PALLD: variants seen among roughly 807,000 people sequenced by gnomAD.
PALLD encodes palladin.
A neutral mutation model predicts 123.5 loss-of-function variants in PALLD; 61 were observed. That is an observed-to-expected ratio of 0.49 (90% CI 0.40 to 0.61). The LOEUF (loss-of-function observed/expected upper bound fraction) is 0.61. Ranked by LOEUF, PALLD falls within the 20% of genes least tolerant of loss-of-function variation. PALLD has a pLI of 0.00. For synonymous variants in PALLD, 465 were observed against 496.4 expected (o/e 0.94, Z 0.84); for missense variants, 1,273 against 1,377.0 (o/e 0.92, Z 1.20).
At position 168,821,335 on chromosome 4, in the gene PALLD, A is replaced by G. The variant is rs1236089289; in HGVS notation, c.1965-69587A>G. On this transcript the variant is annotated intron_variant, in intron 10 of 21. Transcript: ENST00000505667. ...AATCCTAAGTCCTCTGCAAAACATT[A>G]TCTGATGAGTTGATTACGTATTTGT... Among the ~76,000 whole-genome samples, 3 of 152,298 alleles carry G rather than the reference A, an allele frequency of 2.0e-5. No individual in the cohort carries two copies. The East Asian group carries it at 5.8e-4, about 29-fold the overall frequency.
chr4:168,825,780 G>A (rs62332970), intron 10 of PALLD, among the ~76,000 whole-genome samples: 28,700 of 152,072 alleles, frequency 0.19, 3,006 homozygotes, highest in South Asian at 0.29. Flanking sequence ...TGATCTGGGT[G>A]TTTTCTAAGC....
At chr4:168,754,378 G>A (rs1355510718) in intron 10 of PALLD, among the ~76,000 whole-genome samples, 1 of 152,136 alleles carries the variant, frequency 6.6e-6, no homozygotes, top group African/African-American at 2.4e-5. Flanking sequence ...CATGCCTAGG[G>A]TAATGATTGA....
At chr4:168,654,755 G>A (rs1445194357) in intron 2 of PALLD, 2 of 152,248 alleles carry the variant, frequency 1.3e-5, no homozygotes, top group African/African-American at 2.4e-5. Context: ...CAGGCTCTCA[G>A]GGGAAGCAGT....
At chr4:168,802,325 C>T (rs1307838763) in intron 10 of PALLD, among the ~76,000 whole-genome samples, 2 of 152,176 alleles carry the variant, frequency 1.3e-5, no homozygotes, top group Non-Finnish European at 1.5e-5. Flanking sequence ...ACAAACTTTA[C>T]ACCCACTGAA....
At chr4:168,631,656 A>G in intron 2 of PALLD, 3 of 985,388 alleles carry the variant, frequency 3.0e-6, no homozygotes, top group African/African-American at 1.7e-5. Flanking sequence ...ACCGAGCCTG[A>G]GTCGTGGCCG....
chr4:168,709,167 A>T lies in PALLD; in HGVS notation c.1621+20A>T. On this transcript the variant is annotated intron_variant, in intron 9 of 21. Transcript: ENST00000505667. ...CCTCAGGTATGTGAGGAGTAAAAAA[A>T]ATGACTGGGTTCTGTTCCCCAGCAC... is the stretch of plus-strand genomic sequence containing the variant. The T allele has an allele frequency of 6.2e-7, 1 of 1,613,056 alleles. No homozygotes were observed. The highest frequency in any genetic ancestry group is 2.2e-5 in the East Asian group (1 of 44,820).
chr4:168,556,086 A>G (rs1767256196), intron 2 of PALLD, among the ~76,000 whole-genome samples: 2 of 151,384 alleles, frequency 1.3e-5, no homozygotes, highest in South Asian at 4.2e-4. Context: ...TCGTAAATGG[A>G]GTTCATATTA....
chr4:168,659,547 A>G (rs1443047224), intron 2 of PALLD, among the ~76,000 whole-genome samples: 1 of 152,200 alleles, frequency 6.6e-6, no homozygotes, highest in Admixed American at 6.5e-5. Context: ...ACATCTTTCA[A>G]CATAACCTTG....
chr4:168,542,771 AAG>A (rs1035812796), intron 2 of PALLD, among the ~76,000 whole-genome samples: 2 of 107,688 alleles, frequency 1.9e-5, no homozygotes, highest in Non-Finnish European at 1.9e-5. Context: ...TATGGAGAGA[AAG>A]AGAGAGAGAG....
At chr4:168,647,831 A>G (rs374448299) in intron 2 of PALLD, 20 of 151,604 alleles carry the variant, frequency 1.3e-4, no homozygotes, top group African/African-American at 4.6e-4. Flanking sequence ...AAAAGTAGTT[A>G]CAAAGAAAGT....
intron 4 of PALLD, among the ~76,000 whole-genome samples, chr4:168,682,672 T>C (rs753535699): frequency 1.3e-5 from 2 of 152,218 alleles, no homozygotes; most frequent in African/African-American, 4.8e-5. Context: ...ATATTTTCTC[T>C]TAGGATTTTC....
intron 10 of PALLD, among the ~76,000 whole-genome samples, chr4:168,817,632 A>T (rs1374150242): frequency 6.6e-6 from 1 of 152,232 alleles, no homozygotes; most frequent in Non-Finnish European, 1.5e-5. Flanking sequence ...TCTTATTTTG[A>T]TACTTTTTTT....
intron 10 of PALLD, among the ~76,000 whole-genome samples, chr4:168,777,596 C>A (rs1215543308): frequency 6.6e-6 from 1 of 152,118 alleles, no homozygotes; most frequent in Non-Finnish European, 1.5e-5. Context: ...GCCACAATAC[C>A]CAACTAACAG....
intron 6 of PALLD, among the ~76,000 whole-genome samples, chr4:168,690,310 C>T (rs1782497110): frequency 6.6e-6 from 1 of 152,060 alleles, no homozygotes; most frequent in Admixed American, 6.6e-5. Context: ...CCATCAAATT[C>T]CATAAATGCA....
rs368502349 is a variant in PALLD at position 168,924,429 on chromosome 4, G to A, written c.3224+9G>A. 1 of 1,611,108 alleles carries A rather than the reference G, an allele frequency of 6.2e-7. No individual in the cohort carries two copies. Among genetic ancestry groups the A allele is most frequent in the African/African-American group, 1.3e-5 (1 of 74,806 alleles). ...AGCACTGACCGAGTGAGGTAAGACT[G>A]CACAATGAGAACCTGATCCTTAACT... On this transcript the variant is annotated intron_variant, in intron 19 of 21. Transcript: ENST00000505667.
intron 10 of PALLD, among the ~76,000 whole-genome samples, chr4:168,713,708 A>G (rs887689165): frequency 6.6e-6 from 1 of 152,046 alleles, no homozygotes; most frequent in Non-Finnish European, 1.5e-5. Flanking sequence ...ACAAGTTTAA[A>G]GAACATCAGG....
chr4:168,625,267 C>T (rs1435660844), intron 2 of PALLD, among the ~76,000 whole-genome samples: 2 of 151,470 alleles, frequency 1.3e-5, no homozygotes, highest in Non-Finnish European at 2.9e-5. Flanking sequence ...CAGCTATACA[C>T]AGGAATTTAA....
At chr4:168,764,480 C>T (rs956018299) in intron 10 of PALLD, among the ~76,000 whole-genome samples, 3 of 152,106 alleles carry the variant, frequency 2.0e-5, no homozygotes, top group African/African-American at 7.2e-5. Context: ...TTCACAGGTG[C>T]AGTCATAGCA....
chr4:168,904,509 G>A (rs1240273447), intron 15 of PALLD, among the ~76,000 whole-genome samples: 3 of 152,148 alleles, frequency 2.0e-5, no homozygotes, highest in African/African-American at 7.2e-5. Flanking sequence ...CATGTTGCCA[G>A]TTCGAGCCTG....
Sources: allele counts gnomAD v4.1 joint callset (sites outside exome capture counted in the v4.1 genomes callset), GRCh38; gene constraint gnomAD v4.1.1; transcripts MANE v1.5; gene names NCBI Gene and HGNC (gene_info 2026-07-23, HGNC 2026-07-21).